Variants in COL4A2 observed in about 807,000 individuals in gnomAD.
COL4A2 encodes collagen type IV alpha 2 chain.
In COL4A2, 99 loss-of-function variants were observed where a neutral mutation model predicts 200.2. The ratio of observed to expected loss-of-function variants is 0.49; its 90% CI spans 0.42 to 0.58. The LOEUF (loss-of-function observed/expected upper bound fraction) is 0.58. Ranked by LOEUF, COL4A2 falls within the 20% of genes least tolerant of loss-of-function variation. The pLI is 0.00. For synonymous variants in COL4A2, 897 were observed against 900.6 expected, an observed-to-expected ratio of 1.00 and a Z score of 0.07; for missense variants, 1,950 against 2,314.1, an observed-to-expected ratio of 0.84 and a Z score of 3.23.
intron 34 of COL4A2, among the ~76,000 whole-genome samples, chr13:110,488,631 T>C (rs1883186795): frequency 6.6e-6 from 1 of 152,230 alleles, no homozygotes; most frequent in African/African-American, 2.4e-5. Flanking sequence ...CTGCCCAAAC[T>C]GAAATCCCGG....
chr13:110,371,826 C>T (rs535952582), intron 4 of COL4A2, among the ~76,000 whole-genome samples: 4 of 152,234 alleles, frequency 2.6e-5, no homozygotes, highest in Middle Eastern at 3.4e-3. Context: ...TGACGTTGGC[C>T]GTGCCGGGAG....
At chr13:110,365,659 A>G (rs1199320756) in intron 4 of COL4A2, among the ~76,000 whole-genome samples, 1 of 152,086 alleles carries the variant, frequency 6.6e-6, no homozygotes, top group Non-Finnish European at 1.5e-5. Flanking sequence ...TCTCCACGCA[A>G]TGGCCTTGGC....
intron 40 of COL4A2, 87 bp downstream of exon 40, chr13:110,495,554 G>A (rs1883428982): frequency 6.6e-7 from 1 of 1,514,868 alleles, no homozygotes; most frequent in Non-Finnish European, 8.8e-7. Context: ...TATGGGGTGG[G>A]AGAGGCTGTG....
intron 47 of COL4A2, among the ~76,000 whole-genome samples, chr13:110,509,270 T>TATATATATATATACAC (rs1435137108): frequency 1.7e-5 from 2 of 115,600 alleles, no homozygotes; most frequent in African/African-American, 7.0e-5. Flanking sequence ...TATATATATA[T>TATATATATATATACAC]ACACACACAC....
Position 110,449,708 on chromosome 13 carries a change from G to T in COL4A2, c.1108G>T (p.Ala370Ser). ...GARGDPGFPG[A>S]QGEPGSQGEP... ...CAGAGGTGACCCGGGATTCCCAGGG[G>T]CCCAAGGGGAGCCAGGAAGCCAGGG... Residue 370 changes from alanine (A) to serine (S), a missense_variant, in exon 19 of 48, where the codon GCC (alanine) becomes TCC (serine). Physicochemically the swap from Ala to Ser is moderately conservative, Grantham distance 99 (BLOSUM62 1). Around this residue, in one of 2 missense-constraint regions of COL4A2, gnomAD observed 565 missense variants for 593.5 expected, o/e 0.95. Coordinates refer to ENST00000360467, the MANE Select transcript of COL4A2 (RefSeq NM_001846.4). The T allele has an allele frequency of 6.5e-7, 1 of 1,550,074 alleles. No homozygotes were observed. Among genetic ancestry groups the T allele is most frequent in the Non-Finnish European group, 8.7e-7 (1 of 1,146,412 alleles).
At chr13:110,509,044 A>C (rs188511127) in intron 47 of COL4A2, among the ~76,000 whole-genome samples, 30 of 152,190 alleles carry the variant, frequency 2.0e-4, no homozygotes, top group African/African-American at 7.2e-4. Context: ...AATTGAATAC[A>C]TATTGCTTTT....
chr13:110,389,346 G>A (rs188619692), intron 4 of COL4A2, among the ~76,000 whole-genome samples: 126 of 152,290 alleles, frequency 8.3e-4, no homozygotes, highest in Non-Finnish European at 1.6e-3. Flanking sequence ...AGGACATTTC[G>A]TATCTGTAAA....
intron 3 of COL4A2, among the ~76,000 whole-genome samples, chr13:110,311,422 C>T (rs928477172): frequency 2.6e-5 from 4 of 152,152 alleles, no homozygotes; most frequent in South Asian, 4.1e-4. Flanking sequence ...AGGCAGGTGA[C>T]GGGGTGCAGT....
intron 3 of COL4A2, among the ~76,000 whole-genome samples, chr13:110,309,969 C>T (rs150351445): frequency 2.3e-4 from 35 of 152,216 alleles, no homozygotes; most frequent in African/African-American, 6.5e-4. Context: ...CCAGTCTGGG[C>T]GACGGAGCAA....
intron 11 of COL4A2, among the ~76,000 whole-genome samples, chr13:110,432,920 G>A (rs538002392): frequency 5.3e-5 from 8 of 152,362 alleles, no homozygotes; most frequent in Non-Finnish European, 8.8e-5. Flanking sequence ...TTAGAAACTC[G>A]GAGGACAGAA....
At chr13:110,470,861 G>GATT (rs1219508746) in intron 28 of COL4A2, among the ~76,000 whole-genome samples, 5 of 152,306 alleles carry the variant, frequency 3.3e-5, no homozygotes, top group South Asian at 4.1e-4. Flanking sequence ...AGCCCGTAGG[G>GATT]ATTGTTCCAA....
At chr13:110,399,802 T>C (rs992318418) in intron 4 of COL4A2, among the ~76,000 whole-genome samples, 1 of 152,226 alleles carries the variant, frequency 6.6e-6, no homozygotes, top group African/African-American at 2.4e-5. Context: ...ATAGGCCACC[T>C]GCTTCTTTTA....
rs1883305671 is a variant in COL4A2 at position 110,492,163 on chromosome 13, C to T, written c.3548C>T (p.Ala1183Val). Residue 1183 changes from alanine to valine, a missense_variant, in exon 38 of 48, where the codon GCT becomes GTT. Physicochemically the swap from Ala to Val is moderately conservative, Grantham distance 64 (BLOSUM62 0). This residue lies in a region of COL4A2 where 1,385 missense variants were observed against 1,720.5 expected (regional missense o/e 0.80). Transcript: ENST00000360467. ...GGKGDDGWPG[A>V]PGLPGFPGLR... is the part of the protein sequence containing the mutation. ...AAAGGAGATGATGGCTGGCCGGGAGCTCCGGGCTTACCAGGTAAGGTCACG... is the reference window on the plus strand; with the variant it reads ...AAAGGAGATGATGGCTGGCCGGGAGTTCCGGGCTTACCAGGTAAGGTCACG... 2.6e-6 allele frequency: 4 copies of T among 1,552,326 alleles called. No individual in the cohort carries two copies. In the African/African-American group the frequency reaches 5.5e-5, roughly 21 times the overall value.
chr13:110,457,614 G>C, intron 21 of COL4A2, 179 bp downstream of exon 21: 1 of 689,590 alleles, frequency 1.5e-6, no homozygotes, highest in East Asian at 2.8e-5. Context: ...TGGAGCCAGT[G>C]GTGCTGTCTG....
intron 21 of COL4A2, 180 bp downstream of exon 21, chr13:110,457,615 G>A (rs1377550599): frequency 2.9e-6 from 2 of 691,156 alleles, no homozygotes; most frequent in Non-Finnish European, 2.7e-6. Flanking sequence ...GGAGCCAGTG[G>A]TGCTGTCTGA....
intron 4 of COL4A2, among the ~76,000 whole-genome samples, chr13:110,375,789 C>A (rs759373897): frequency 6.6e-6 from 1 of 151,584 alleles, no homozygotes; most frequent in African/African-American, 2.4e-5. Flanking sequence ...AAGATCACGC[C>A]GCTGCACTCC....
chr13:110,348,774 G>C (rs571910792), intron 3 of COL4A2, among the ~76,000 whole-genome samples: 9 of 152,262 alleles, frequency 5.9e-5, no homozygotes, highest in Middle Eastern at 6.8e-3. Context: ...GTATTCCTCT[G>C]TGGAGGGAAT....
At chr13:110,400,795 A>G (rs1453041580) in intron 4 of COL4A2, among the ~76,000 whole-genome samples, 1 of 152,206 alleles carries the variant, frequency 6.6e-6, no homozygotes, top group Non-Finnish European at 1.5e-5. Context: ...GCCCACGTAC[A>G]CATATTCTGG....
intron 4 of COL4A2, among the ~76,000 whole-genome samples, chr13:110,369,955 A>G (rs1877931055): frequency 6.6e-6 from 1 of 152,114 alleles, no homozygotes; most frequent in South Asian, 2.1e-4. Context: ...ATATACCCTG[A>G]CTTCATAGGA....
Sources: gnomAD v4.1 joint callset for allele counts (sites outside exome capture counted in the v4.1 genomes callset) on GRCh38, gnomAD v4.1.1 for gene constraint, gnomAD v4.1.1 regional missense constraint, MANE v1.5 for transcripts, NCBI Gene and HGNC (gene_info 2026-07-23, HGNC 2026-07-21) for gene names.